The following VEGFA variants were observed in gnomAD, a reference collection of about 807,000 sequenced individuals.
VEGFA encodes vascular endothelial growth factor A, long form.
Under a neutral mutation model 49.7 loss-of-function variants are expected in VEGFA, and 20 were observed. That is an observed-to-expected ratio of 0.40 (90% CI 0.28 to 0.58). VEGFA has a LOEUF of 0.58. Among genes scored for constraint, VEGFA ranks in the 20% least tolerant of loss-of-function variants. The pLI is 0.40. For synonymous variants in VEGFA, 219 were observed against 223.4 expected (o/e 0.98, Z 0.18); for missense variants, 505 against 553.5 (o/e 0.91, Z 0.88).
intron 7 of VEGFA, 189 bp from the exon 8 acceptor site, chr6:43,784,352 G>A: frequency 1.5e-6 from 1 of 668,098 alleles, no homozygotes; most frequent in Non-Finnish European, 2.7e-6. Flanking sequence ...GGCTCCCTGA[G>A]GGCAGGGCTG....
intron 1 of VEGFA, among the ~76,000 whole-genome samples, chr6:43,772,817 C>T (rs918983120): frequency 1.3e-5 from 2 of 152,204 alleles, no homozygotes; most frequent in Non-Finnish European, 2.9e-5. Context: ...GCACAAAGGC[C>T]TTGGCTACAG....
intron 5 of VEGFA, chr6:43,780,230 C>CA (rs1766993357): frequency 1.1e-5 from 2 of 185,426 alleles, no homozygotes; most frequent in Non-Finnish European, 2.2e-5. Context: ...AATGAAGGCA[C>CA]AAGGCCTGAT....
Position 43,780,800 on chromosome 6 carries a change from G to C in VEGFA, c.1031G>C (p.Ser344Thr), listed in dbSNP as rs752102465. The change falls in exon 6 of 8, where the codon AGC becomes ACC. Residue 344 changes from serine to threonine, a missense_variant. By Grantham distance (58) the Ser-to-Thr change is moderately conservative (BLOSUM62 1). Coordinates refer to ENST00000672860, the MANE Select transcript of VEGFA (RefSeq NM_003376.6). ...AAGAAATCCCGGTATAAGTCCTGGA[G>C]CGTGTACGTTGGTGCCCGCTGCTGT... The C allele has an allele frequency of 6.2e-7, 1 of 1,613,930 alleles. No homozygotes were observed. Among genetic ancestry groups the C allele is most frequent in the Non-Finnish European group, 8.5e-7 (1 of 1,180,032 alleles).
At position 43,779,988 on chromosome 6, in the gene VEGFA, C is replaced by T. The variant is rs1220636856; in HGVS notation, c.963-744C>T. 2.3e-5 allele frequency: 6 copies of T among 264,336 alleles called. No homozygotes were observed. In the East Asian group the frequency reaches 5.4e-4, roughly 24 times the overall value. The allele number at this position is 264,336 out of a possible 1,614,324, so 16.4% of individuals were successfully genotyped here. ...GTGTCTGGTGAGATGGTGTAGCAGGCTTTGACAGGCTGGGGAGAGAACTCC... is the reference window on the plus strand; with the variant it reads ...GTGTCTGGTGAGATGGTGTAGCAGGTTTTGACAGGCTGGGGAGAGAACTCC... On this transcript the variant is annotated intron_variant, in intron 5 of 7. Coordinates refer to ENST00000672860, the MANE Select transcript of VEGFA (RefSeq NM_003376.6).
chr6:43,780,849 C>A, intron 6 of VEGFA, 46 bp downstream of exon 6: 1 of 1,613,406 alleles, frequency 6.2e-7, no homozygotes. Flanking sequence ...GCCTCCCTGG[C>A]CCCCAGTACA....
At position 43,774,055 on chromosome 6, in the gene VEGFA, G is replaced by C. The variant is rs149225818; in HGVS notation, c.607-286G>C. Reference sequence around the variant, plus strand: ...GTGTGGGGAAGGTACAGGGGACCTCGACAGTGAAGCATTCTGGGGTTTTCC... The same window carrying C: ...GTGTGGGGAAGGTACAGGGGACCTCCACAGTGAAGCATTCTGGGGTTTTCC... On this transcript the variant is annotated intron_variant, in intron 1 of 7. Coordinates refer to ENST00000672860, the MANE Select transcript of VEGFA (RefSeq NM_003376.6). The C allele has an allele frequency of 1.4e-3, 768 of 536,280 alleles. 1 individual carries two copies. Among genetic ancestry groups the C allele is most frequent in the Non-Finnish European group, 2.0e-3 (582 of 296,476 alleles). 33.2% of individuals were successfully genotyped at this position (536,280 alleles called of 1,614,324 possible).
At position 43,780,805 on chromosome 6, in the gene VEGFA, T is replaced by A. The variant is rs769932323; in HGVS notation, c.1034+2T>A. The A allele has an allele frequency of 1.2e-6, 2 of 1,613,976 alleles. No individual in the cohort carries two copies. The highest frequency in any genetic ancestry group is 1.7e-6 in the Non-Finnish European group (2 of 1,180,008). Reference sequence around the variant, plus strand: ...ATCCCGGTATAAGTCCTGGAGCGTGTACGTTGGTGCCCGCTGCTGTCTAAT... The same window carrying A: ...ATCCCGGTATAAGTCCTGGAGCGTGAACGTTGGTGCCCGCTGCTGTCTAAT... On this transcript the variant is annotated splice_donor_variant, in intron 6 of 7. Transcript: ENST00000672860. LOFTEE classifies it high-confidence loss of function.
intron 7 of VEGFA, chr6:43,782,405 A>G (rs762204671): frequency 7.5e-6 from 3 of 397,480 alleles, no homozygotes; most frequent in Non-Finnish European, 1.4e-5. Context: ...TTCTGCTCAT[A>G]GTGGCTGTTG....
In VEGFA at chr6:43,781,958, C is replaced by T. The variant is rs758505735; in HGVS notation, c.1037C>T (p.Pro346Leu). The T allele has an allele frequency of 1.2e-6, 2 of 1,613,878 alleles. No individual in the cohort carries two copies. The highest frequency in any genetic ancestry group is 1.7e-6 in the Non-Finnish European group (2 of 1,179,938). Reference sequence around the variant, plus strand: ...TCTTTCCTTTTGCCTTTTTGCAGTCCCTGTGGGCCTTGCTCAGAGCGGAGA... The same window carrying T: ...TCTTTCCTTTTGCCTTTTTGCAGTCTCTGTGGGCCTTGCTCAGAGCGGAGA... Residue 346 changes from proline to leucine, a missense_variant and splice_region_variant, in exon 7 of 8, where the codon CCC (proline) becomes CTC (leucine). Pro to Leu is a moderately conservative substitution (Grantham distance 98). Coordinates refer to ENST00000672860, the MANE Select transcript of VEGFA (RefSeq NM_003376.6).
rs756012071 is a variant in VEGFA at position 43,784,525 on chromosome 6, T to C, written c.1167-16T>C. ...ACTTGGCCCTAACCCCAGCCTTTGT[T>C]TTCCATTTCCCTCAGATGTGACAAG... On this transcript the variant is annotated splice_polypyrimidine_tract_variant and intron_variant, in intron 7 of 7. Coordinates refer to ENST00000672860, the MANE Select transcript of VEGFA (RefSeq NM_003376.6). 3.7e-6 allele frequency: 6 copies of C among 1,614,012 alleles called. No homozygotes were observed. In the African/African-American group the frequency reaches 8.0e-5, roughly 22 times the overall value.
At chr6:43,771,398 G>T (rs926570454) in intron 1 of VEGFA, 86 bp downstream of exon 1, 1 of 1,372,356 alleles carries the variant, frequency 7.3e-7, no homozygotes, top group Admixed American at 2.5e-5. Context: ...GCGCGTGGGG[G>T]CTCCGTGCCC....
chr6:43,784,633 G>A lies in VEGFA; in HGVS notation c.*71G>A, dbSNP rs1438175455. 3 of 1,613,892 alleles carry A rather than the reference G, an allele frequency of 1.9e-6. No individual in the cohort carries two copies. Among genetic ancestry groups the A allele is most frequent in the South Asian group, 2.2e-5 (2 of 91,086 alleles). Reference sequence around the variant, plus strand: ...TCTCTCACCAGGAAAGACTGATACAGAACGATCGATACAGAAACCACGCTG... The same window carrying A: ...TCTCTCACCAGGAAAGACTGATACAAAACGATCGATACAGAAACCACGCTG... On this transcript the variant is annotated 3_prime_UTR_variant, in exon 8 of 8. Transcript: ENST00000672860.
At chr6:43,771,418 C>T in intron 1 of VEGFA, 106 bp downstream of exon 1, 1 of 1,162,078 alleles carries the variant, frequency 8.6e-7, no homozygotes, top group African/African-American at 1.6e-5. Context: ...CCACGCGGGT[C>T]CATGGGCACC....
In VEGFA at chr6:43,784,740, C is replaced by T; in HGVS notation, c.*178C>T. ...AAGGAAGAGGAGACTCTGCGCAGAG[C>T]ACTTTGGGTCCGGAGGGCGAGACTC... On this transcript the variant is annotated 3_prime_UTR_variant, in exon 8 of 8. Transcript: ENST00000672860. The T allele has an allele frequency of 8.1e-7, 1 of 1,228,132 alleles. No individual in the cohort carries two copies. Among genetic ancestry groups the T allele is most frequent in the East Asian group, 2.5e-5 (1 of 40,384 alleles). 76.1% of individuals were successfully genotyped at this position (1,228,132 alleles called of 1,614,324 possible). A position where few individuals can be genotyped will look rare whatever the true frequency, so the allele number is the denominator to read the frequency against.
At chr6:43,779,330 C>T (rs539687982) in intron 5 of VEGFA, 21 of 382,760 alleles carry the variant, frequency 5.5e-5, no homozygotes, top group East Asian at 5.2e-4. Flanking sequence ...GCTGCTGTGA[C>T]GGTGCAGTTG....
rs145106809 is a variant in VEGFA, at chr6:43,774,194, C to A, written c.607-147C>A. ...CATATTCTGTGCCCGTGGGGACCCC[C>A]GGTTGTGTCCTGTTCGACTCAGAAG... On this transcript the variant is annotated intron_variant, in intron 1 of 7. Transcript: ENST00000672860. 174 of 806,942 alleles carry A rather than the reference C, an allele frequency of 2.2e-4. No individual in the cohort carries two copies. In the African/African-American group the frequency reaches 2.7e-3, roughly 13 times the overall value. 50.0% of individuals were successfully genotyped at this position (806,942 alleles called of 1,614,324 possible).
Position 43,777,547 on chromosome 6 carries a change from C to T in VEGFA, c.737C>T (p.Pro246Leu), listed in dbSNP as rs772184987. Reference sequence around the variant, plus strand: ...CTGGTGGACATCTTCCAGGAGTACCCTGATGAGATCGAGTACATCTTCAAG... The same window carrying T: ...CTGGTGGACATCTTCCAGGAGTACCTTGATGAGATCGAGTACATCTTCAAG... Residue 246 changes from proline (P) to leucine (L), a missense_variant, in exon 3 of 8, where the codon CCT becomes CTT. Pro to Leu is a moderately conservative substitution (Grantham distance 98). Transcript: ENST00000672860. The surrounding 1 kb of genome is among the most constrained non-coding windows in gnomAD (Gnocchi z 4.3). The T allele has an allele frequency of 1.9e-6, 3 of 1,614,196 alleles. No homozygotes were observed. The South Asian group carries it at 3.3e-5, about 18-fold the overall frequency.
Position 43,770,615 on chromosome 6 carries a change from A to T in VEGFA, c.-92A>T. On this transcript the variant is annotated 5_prime_UTR_variant, in exon 1 of 8. Transcript: ENST00000672860. ...CGCGGGCGTGCGAGCAGCGAAAGCG[A>T]CAGGGGCAAAGTGAGTGACCTGCTT... 2.8e-6 allele frequency: 4 copies of T among 1,452,660 alleles called. No homozygotes were observed. The highest frequency in any genetic ancestry group is 1.4e-5 in the South Asian group (1 of 72,672). 90.0% of individuals were successfully genotyped at this position (1,452,660 alleles called of 1,614,324 possible).
At chr6:43,782,433 A>C in intron 7 of VEGFA, 1 of 359,144 alleles carries the variant, frequency 2.8e-6, no homozygotes, top group South Asian at 2.3e-5. Context: ...TGTTATTACT[A>C]CCTCTGGTAG....
Sources: gnomAD v4.1 joint callset for allele counts (sites outside exome capture counted in the v4.1 genomes callset) on GRCh38, gnomAD v4.1.1 for gene constraint, Gnocchi (gnomAD v3.1) non-coding constraint, MANE v1.5 for transcripts, NCBI Gene and HGNC (gene_info 2026-07-23, HGNC 2026-07-21) for gene names.